RNGTT: variants seen among roughly 807,000 people sequenced by gnomAD.
The protein encoded by RNGTT is RNA guanylyltransferase and 5'-phosphatase.
A neutral mutation model predicts 79.3 loss-of-function variants in RNGTT; 33 were observed. That is an observed-to-expected ratio of 0.42 (90% CI 0.32 to 0.56). The LOEUF (loss-of-function observed/expected upper bound fraction) is 0.56. Among genes scored for constraint, RNGTT ranks in the 20% least tolerant of loss-of-function variants. RNGTT has a pLI of 0.17. For synonymous variants in RNGTT, 222 were observed against 235.9 expected, an observed-to-expected ratio of 0.94 and a Z score of 0.54; for missense variants, 497 against 739.1, an observed-to-expected ratio of 0.67 and a Z score of 3.80.
At chr6:88,885,715 C>T (rs569050115) in intron 8 of RNGTT, among the ~76,000 whole-genome samples, 2 of 152,282 alleles carry the variant, frequency 1.3e-5, no homozygotes, top group South Asian at 4.2e-4. Context: ...GGCAGACATG[C>T]CTTTATCAAT....
intron 13 of RNGTT, among the ~76,000 whole-genome samples, chr6:88,698,260 A>AAATATATATGATATATATTTCAT (rs1562202296): frequency 2.1e-5 from 2 of 95,428 alleles, no homozygotes; most frequent in African/African-American, 1.8e-4. Context: ...TATATATATA[A>AAATATATATGATATATATTTCAT]ATATATATGA....
chr6:88,800,034 C>G (rs1226822388), intron 12 of RNGTT, among the ~76,000 whole-genome samples: 1 of 152,168 alleles, frequency 6.6e-6, no homozygotes, highest in Non-Finnish European at 1.5e-5. Flanking sequence ...CTCCTCCTCC[C>G]TTAACCACAG....
chr6:88,716,382 G>A lies in RNGTT; in HGVS notation c.1440-37963C>T, dbSNP rs575618866. Among the ~76,000 whole-genome samples the A allele has an allele frequency of 4.1e-4, 63 of 152,252 alleles. 1 individual carries two copies. Among genetic ancestry groups the A allele is most frequent in the Admixed American group, 3.5e-3 (53 of 15,300 alleles). On this transcript the variant is annotated intron_variant, in intron 13 of 15. Transcript: ENST00000369485. The stretch of plus-strand genomic sequence containing the variant: ...ACACTGTTGGTGGGACTGTAAACTC[G>A]TTCAACCATTGTGGAAGTCAGTGTG...
At chr6:88,837,756 AACTGAAC>A (rs1168952849) in intron 11 of RNGTT, among the ~76,000 whole-genome samples, 7 of 152,154 alleles carry the variant, frequency 4.6e-5, no homozygotes, top group Non-Finnish European at 5.9e-5. Flanking sequence ...CATTTGACCA[AACTGAAC>A]ACCCATTCTT....
chr6:88,817,791 G>C (rs1328014695), intron 11 of RNGTT, among the ~76,000 whole-genome samples: 2 of 114,310 alleles, frequency 1.7e-5, no homozygotes, highest in East Asian at 2.6e-4. Flanking sequence ...ACGGAGTCTC[G>C]CTGTGTCTCC....
intron 14 of RNGTT, among the ~76,000 whole-genome samples, chr6:88,628,864 T>G (rs184730231): frequency 6.6e-6 from 1 of 152,138 alleles, no homozygotes; most frequent in East Asian, 1.9e-4. Flanking sequence ...TGACTAACAG[T>G]TAAAGAGCTA....
chr6:88,738,669 A>G (rs1384769737), intron 13 of RNGTT, among the ~76,000 whole-genome samples: 1 of 152,090 alleles, frequency 6.6e-6, no homozygotes, highest in Non-Finnish European at 1.5e-5. Flanking sequence ...ATAAATAATA[A>G]CATACCAATA....
chr6:88,934,859 C>T (rs1285021393), intron 2 of RNGTT, among the ~76,000 whole-genome samples: 3 of 152,058 alleles, frequency 2.0e-5, no homozygotes, highest in African/African-American at 7.2e-5. Context: ...AGCAATCCTC[C>T]CACCTTGGCC....
chr6:88,677,030 A>G (rs1401027141), intron 14 of RNGTT, among the ~76,000 whole-genome samples: 1 of 152,226 alleles, frequency 6.6e-6, no homozygotes, highest in Admixed American at 6.5e-5. Flanking sequence ...ATAATCAAAC[A>G]GTGCTATAGC....
At chr6:88,836,042 C>CATATATAT (rs138214447) in intron 11 of RNGTT, among the ~76,000 whole-genome samples, 3 of 135,920 alleles carry the variant, frequency 2.2e-5, no homozygotes, top group African/African-American at 8.1e-5. Flanking sequence ...ATAAGATTTA[C>CATATATAT]ATATATATAT....
chr6:88,674,906 G>A (rs1168671092), intron 14 of RNGTT, among the ~76,000 whole-genome samples: 2 of 152,078 alleles, frequency 1.3e-5, no homozygotes, highest in Admixed American at 1.3e-4. Context: ...AGACCAGTCT[G>A]GCCAACATGG....
intron 1 of RNGTT, among the ~76,000 whole-genome samples, chr6:88,958,320 C>T (rs186064748): frequency 2.6e-5 from 4 of 152,200 alleles, no homozygotes; most frequent in Admixed American, 1.3e-4. Context: ...AGGCAGAGTT[C>T]GTGACCAAGA....
At chr6:88,625,730 TAGA>T (rs1772604813) in intron 14 of RNGTT, among the ~76,000 whole-genome samples, 1 of 151,758 alleles carries the variant, frequency 6.6e-6, no homozygotes, top group South Asian at 2.1e-4. Flanking sequence ...TTACTGTATG[TAGA>T]AGGTGAATAA....
chr6:88,646,295 A>G (rs1773555600), intron 14 of RNGTT, among the ~76,000 whole-genome samples: 1 of 152,228 alleles, frequency 6.6e-6, no homozygotes, highest in Non-Finnish European at 1.5e-5. Context: ...ACAATGATAT[A>G]TCATCTCACA....
intron 12 of RNGTT, among the ~76,000 whole-genome samples, chr6:88,800,357 T>C (rs1779744844): frequency 6.6e-6 from 1 of 152,172 alleles, no homozygotes; most frequent in African/African-American, 2.4e-5. Context: ...CAAAACATTA[T>C]AAATTTTATA....
At chr6:88,903,487 T>C (rs547577283) in intron 6 of RNGTT, among the ~76,000 whole-genome samples, 55 of 152,190 alleles carry the variant, frequency 3.6e-4, no homozygotes, top group Non-Finnish European at 7.1e-4. Flanking sequence ...ATTTCAGATA[T>C]CTAAATCCAG....
intron 8 of RNGTT, among the ~76,000 whole-genome samples, chr6:88,878,305 T>C (rs1782585387): frequency 6.6e-6 from 1 of 151,910 alleles, no homozygotes; most frequent in African/African-American, 2.4e-5. Context: ...CCATGTTGGT[T>C]AGGCTGGTCT....
chr6:88,788,444 C>T (rs943016253), intron 12 of RNGTT, among the ~76,000 whole-genome samples: 2 of 152,126 alleles, frequency 1.3e-5, no homozygotes, highest in African/African-American at 4.8e-5. Flanking sequence ...TAGACTAATG[C>T]TAAATGATCC....
intron 8 of RNGTT, among the ~76,000 whole-genome samples, chr6:88,889,860 AAGCT>A (rs1477863017): frequency 6.6e-6 from 1 of 152,136 alleles, no homozygotes; most frequent in Non-Finnish European, 1.5e-5. Flanking sequence ...TCAGGAGGCT[AAGCT>A]ACTATTCAGG....
Sources: allele counts gnomAD v4.1 joint callset (sites outside exome capture counted in the v4.1 genomes callset), GRCh38; gene constraint gnomAD v4.1.1; transcripts MANE v1.5; gene names NCBI Gene and HGNC (gene_info 2026-07-23, HGNC 2026-07-21).